The following LINGO2 variants were observed in gnomAD, a reference collection of about 807,000 sequenced individuals.
The protein encoded by LINGO2 is leucine-rich repeat and immunoglobulin-like domain-containing nogo receptor-interacting protein 2.
A neutral mutation model predicts 30.6 loss-of-function variants in LINGO2; 14 were observed. The observed-to-expected ratio is 0.46, with a 90% CI of 0.30 to 0.72. The LOEUF is 0.72. Among genes scored for constraint, LINGO2 ranks in the 30% least tolerant of loss-of-function variants. The pLI, the probability that LINGO2 is intolerant of heterozygous loss-of-function variation, is 0.07. For missense variants in LINGO2, 729 were observed against 751.7 expected, an observed-to-expected ratio of 0.97 and a Z score of 0.35; for synonymous variants, 317 against 288.5, an observed-to-expected ratio of 1.10 and a Z score of -1.00.
At chr9:28,350,732 T>G (rs1349634309) in intron 3 of LINGO2, among the ~76,000 whole-genome samples, 2 of 151,402 alleles carry the variant, frequency 1.3e-5, no homozygotes, top group Non-Finnish European at 2.9e-5. Flanking sequence ...ATTCCAAAAT[T>G]GACCACATAC....
intron 4 of LINGO2, among the ~76,000 whole-genome samples, chr9:28,153,879 A>G (rs1433172192): frequency 6.6e-6 from 1 of 152,216 alleles, no homozygotes; most frequent in Non-Finnish European, 1.5e-5. Flanking sequence ...GAGCATGATT[A>G]AATTTCATTA....
intron 4 of LINGO2, among the ~76,000 whole-genome samples, chr9:28,214,670 A>G (rs1188806002): frequency 1.3e-5 from 2 of 151,608 alleles, no homozygotes; most frequent in Non-Finnish European, 3.0e-5. Context: ...AGTGTCATCT[A>G]CTAATGTAGC....
At chr9:28,943,426 G>A in the LINGO2 span, among the ~76,000 whole-genome samples, 2 of 152,104 alleles carry the variant, frequency 1.3e-5, no homozygotes, top group Non-Finnish European at 2.9e-5. Flanking sequence ...GACGGATTGA[G>A]TGAAGGGCAG....
chr9:27,953,071 A>T (rs1337509380), intron 5 of LINGO2, among the ~76,000 whole-genome samples: 1 of 152,154 alleles, frequency 6.6e-6, no homozygotes, highest in Non-Finnish European at 1.5e-5. Flanking sequence ...GCTATTAGTA[A>T]GCAAAAGAAA....
chr9:28,928,144 G>C, the LINGO2 span, among the ~76,000 whole-genome samples: 1 of 152,136 alleles, frequency 6.6e-6, no homozygotes, highest in Non-Finnish European at 1.5e-5. Flanking sequence ...ATTAGTATTT[G>C]AATTAATTTC....
intron 3 of LINGO2, among the ~76,000 whole-genome samples, chr9:28,355,532 C>T (rs182726811): frequency 9.2e-5 from 14 of 152,130 alleles, no homozygotes; most frequent in African/African-American, 2.4e-4. Flanking sequence ...ATTTCCACTT[C>T]TGAGGTAACA....
the LINGO2 span, among the ~76,000 whole-genome samples, chr9:28,766,842 G>T: frequency 1.4e-5 from 2 of 138,208 alleles, no homozygotes; most frequent in African/African-American, 6.9e-5. Context: ...GAGAGAAAGA[G>T]AGAGAGAGAG....
chr9:29,170,682 A>G, the LINGO2 span, among the ~76,000 whole-genome samples: 1 of 152,154 alleles, frequency 6.6e-6, no homozygotes, highest in Non-Finnish European at 1.5e-5. Flanking sequence ...TCACCTATGT[A>G]AGAGAGAATT....
intron 1 of LINGO2, among the ~76,000 whole-genome samples, chr9:28,668,594 C>T (rs547030511): frequency 6.6e-6 from 1 of 150,732 alleles, no homozygotes; most frequent in Non-Finnish European, 1.5e-5. Flanking sequence ...CATCTAAAAA[C>T]AACTAGTGTC....
intron 4 of LINGO2, among the ~76,000 whole-genome samples, chr9:28,018,497 A>G (rs572249860): frequency 6.6e-6 from 1 of 152,018 alleles, no homozygotes; most frequent in African/African-American, 2.4e-5. Context: ...ACTTAAAATA[A>G]CAAGCAAAAA....
chr9:29,196,840 AT>A, the LINGO2 span, among the ~76,000 whole-genome samples: 3 of 152,068 alleles, frequency 2.0e-5, no homozygotes, highest in Non-Finnish European at 4.4e-5. Flanking sequence ...GATGTCAGAA[AT>A]AACGGAAAAT....
intron 4 of LINGO2, among the ~76,000 whole-genome samples, chr9:28,236,007 C>T (rs545400326): frequency 2.6e-5 from 4 of 151,998 alleles, no homozygotes; most frequent in Admixed American, 1.3e-4. Context: ...CAGATTTAGC[C>T]CAAATAAGAC....
At chr9:28,625,208 T>C (rs1243040228) in intron 1 of LINGO2, among the ~76,000 whole-genome samples, 3 of 152,098 alleles carry the variant, frequency 2.0e-5, no homozygotes, top group Non-Finnish European at 4.4e-5. Flanking sequence ...ATGCTCCTTC[T>C]GTAGATGAGT....
intron 2 of LINGO2, among the ~76,000 whole-genome samples, chr9:28,469,520 A>G (rs1825439466): frequency 6.6e-6 from 1 of 152,180 alleles, no homozygotes; most frequent in African/African-American, 2.4e-5. Context: ...AGACATTACA[A>G]TCAAATTTCT....
intron 3 of LINGO2, among the ~76,000 whole-genome samples, chr9:28,342,613 C>T (rs958330730): frequency 3.9e-5 from 6 of 151,974 alleles, no homozygotes; most frequent in Non-Finnish European, 8.8e-5. Flanking sequence ...TCTATGATAT[C>T]TTAGAGGTTT....
chr9:28,883,844 A>G, the LINGO2 span, among the ~76,000 whole-genome samples: 17 of 149,978 alleles, frequency 1.1e-4, no homozygotes, highest in East Asian at 2.8e-3. Flanking sequence ...CACCCAGCTA[A>G]TTTTTATATT....
the LINGO2 span, among the ~76,000 whole-genome samples, chr9:28,963,577 C>CAG: frequency 6.6e-6 from 1 of 150,896 alleles, no homozygotes; most frequent in Non-Finnish European, 1.5e-5. Context: ...CACACACACA[C>CAG]AGTGGAATAC....
chr9:29,073,570 T>A, the LINGO2 span, among the ~76,000 whole-genome samples: 12 of 152,322 alleles, frequency 7.9e-5, no homozygotes, highest in Non-Finnish European at 1.5e-4. Context: ...AAATGAAGTT[T>A]TATTGGAACA....
the LINGO2 span, chr9:27,940,963 C>G: frequency 6.6e-6 from 1 of 152,086 alleles, no homozygotes; most frequent in Non-Finnish European, 1.5e-5. Flanking sequence ...GGCGAGATGT[C>G]TACCCAACAC....
Sources: allele counts gnomAD v4.1 joint callset (sites outside exome capture counted in the v4.1 genomes callset), GRCh38; gene constraint gnomAD v4.1.1; transcripts MANE v1.5; gene names NCBI Gene and HGNC (gene_info 2026-07-23, HGNC 2026-07-21).